RBM6: variants seen among roughly 807,000 people sequenced by gnomAD.
RBM6 encodes the protein RNA-binding protein 6.
Under a neutral mutation model 140.4 loss-of-function variants are expected in RBM6, and 23 were observed. That is an observed-to-expected ratio of 0.16 (90% CI 0.12 to 0.23). The LOEUF (loss-of-function observed/expected upper bound fraction) is 0.23, where lower values mean the gene tolerates loss of function less well. RBM6 is among the 10% of genes least tolerant of loss of function. RBM6 has a pLI of 1.00. For synonymous variants in RBM6, 439 were observed against 475.6 expected (o/e 0.92, Z 1.00); for missense variants, 1,139 against 1,386.7 (o/e 0.82, Z 2.84).
intron 5 of RBM6, among the ~76,000 whole-genome samples, chr3:49,980,623 G>A (rs538288932): frequency 2.0e-5 from 3 of 151,612 alleles, no homozygotes; most frequent in South Asian, 4.2e-4. Context: ...TTAGCCGGGC[G>A]TGGTGGCGGG....
chr3:50,009,630 C>T (rs1365382443), intron 6 of RBM6, among the ~76,000 whole-genome samples: 1 of 152,078 alleles, frequency 6.6e-6, no homozygotes, highest in Non-Finnish European at 1.5e-5. Flanking sequence ...GATCATGGCT[C>T]ACTGCAGCCT....
At chr3:50,012,117 G>C (rs749076502) in intron 6 of RBM6, among the ~76,000 whole-genome samples, 1 of 152,260 alleles carries the variant, frequency 6.6e-6, no homozygotes, top group Non-Finnish European at 1.5e-5. Context: ...TTCCCAAAGT[G>C]CTGGGATTAC....
chr3:49,943,037 TA>T (rs2083353795), intron 1 of RBM6, among the ~76,000 whole-genome samples: 1 of 152,182 alleles, frequency 6.6e-6, no homozygotes, highest in Non-Finnish European at 1.5e-5. Context: ...TCACTTAGTG[TA>T]ATGGTTTCAA....
At chr3:50,074,173 G>A (rs989972594) in intron 19 of RBM6, among the ~76,000 whole-genome samples, 5 of 152,046 alleles carry the variant, frequency 3.3e-5, no homozygotes, top group African/African-American at 1.2e-4. Context: ...TACTCTCTTG[G>A]ACAAATTGTC....
At chr3:49,953,350 G>T (rs1379657447) in intron 1 of RBM6, among the ~76,000 whole-genome samples, 1 of 151,882 alleles carries the variant, frequency 6.6e-6, no homozygotes, top group Non-Finnish European at 1.5e-5. Context: ...CTCCTGAGTA[G>T]CTGGGACTAC....
intron 5 of RBM6, among the ~76,000 whole-genome samples, chr3:49,982,248 ATTTCT>A (rs1467741375): frequency 2.1e-5 from 2 of 95,912 alleles, no homozygotes; most frequent in Non-Finnish European, 4.3e-5. Flanking sequence ...TACCTTCTGC[ATTTCT>A]TTTCTTTTCT....
chr3:49,990,704 T>C (rs753943885), intron 5 of RBM6, among the ~76,000 whole-genome samples: 1 of 152,172 alleles, frequency 6.6e-6, no homozygotes, highest in Non-Finnish European at 1.5e-5. Context: ...GCCTGTGTTT[T>C]AAAATGGCTG....
In RBM6 at chr3:50,032,939, C is replaced by T. The variant is rs183212049; in HGVS notation, c.1558-15306C>T. ...GGCAGAGGTTGCAGTGAGCCGAGATCGTGCCATTGCACTCCAACCTGGGCA... is the reference window on the plus strand; with the variant it reads ...GGCAGAGGTTGCAGTGAGCCGAGATTGTGCCATTGCACTCCAACCTGGGCA... On this transcript the variant is annotated intron_variant, in intron 6 of 20. Transcript: ENST00000266022. Among the ~76,000 whole-genome samples, 321 of 147,706 alleles carry T rather than the reference C, an allele frequency of 2.2e-3. 3 individuals carry two copies. Among genetic ancestry groups the T allele is most frequent in the African/African-American group, 6.7e-3 (268 of 39,938 alleles).
At chr3:50,002,314 T>C (rs1575658242) in intron 6 of RBM6, among the ~76,000 whole-genome samples, 1 of 150,124 alleles carries the variant, frequency 6.7e-6, no homozygotes, top group African/African-American at 2.5e-5. Context: ...CAGGCTGGAG[T>C]GCGGTGGCAC....
chr3:49,984,611 A>G (rs141555794), intron 5 of RBM6, among the ~76,000 whole-genome samples: 5,303 of 85,606 alleles, frequency 0.062, 103 homozygotes, highest in African/African-American at 0.067. Flanking sequence ...ACATCACATC[A>G]CATCGCATCG....
chr3:49,947,114 C>T (rs1320418655), intron 1 of RBM6, among the ~76,000 whole-genome samples: 2 of 148,362 alleles, frequency 1.3e-5, no homozygotes, highest in Non-Finnish European at 3.0e-5. Flanking sequence ...TAGCCGGGCG[C>T]AGTGGCAGGC....
chr3:50,057,078 T>C (rs2089730369), intron 8 of RBM6, among the ~76,000 whole-genome samples: 1 of 152,234 alleles, frequency 6.6e-6, no homozygotes, highest in Non-Finnish European at 1.5e-5. Context: ...GATGTGTTGT[T>C]ATCATTGATT....
At chr3:50,058,756 A>C (rs1013533992) in intron 10 of RBM6, 194 bp downstream of exon 10, 1 of 408,780 alleles carries the variant, frequency 2.4e-6, no homozygotes, top group Non-Finnish European at 4.3e-6. Context: ...CTACTAAAAA[A>C]TACAGAAAAA....
chr3:49,986,708 C>T (rs1329109563), intron 5 of RBM6, among the ~76,000 whole-genome samples: 4 of 150,950 alleles, frequency 2.6e-5, no homozygotes, highest in Admixed American at 6.6e-5. Flanking sequence ...TTGTCTCTTT[C>T]TCTCTCTTCT....
chr3:50,048,914 T>A (rs2089339857), intron 7 of RBM6, among the ~76,000 whole-genome samples: 1 of 152,156 alleles, frequency 6.6e-6, no homozygotes, highest in African/African-American at 2.4e-5. Context: ...GTGATTCTGC[T>A]GCCTCAGCCT....
chr3:50,040,889 C>T (rs1053620274), intron 6 of RBM6, among the ~76,000 whole-genome samples: 6 of 152,086 alleles, frequency 3.9e-5, no homozygotes, highest in African/African-American at 1.4e-4. Context: ...AAGCAATCCA[C>T]CTGCCTTGAC....
rs869272546 is a variant in RBM6 at position 49,955,160 on chromosome 3, C to CTTTTTTTTTTTTTTTTTTTTTTTT, written c.-66-7415_-66-7392dup. Among the ~76,000 whole-genome samples, 21 of 72,716 alleles carry CTTTTTTTTTTTTTTTTTTTTTTTT rather than the reference C, an allele frequency of 2.9e-4. 1 individual carries two copies. Among genetic ancestry groups the CTTTTTTTTTTTTTTTTTTTTTTTT allele is most frequent in the African/African-American group, 5.8e-4 (10 of 17,372 alleles). 47.7% of individuals were successfully genotyped at this position (72,716 alleles called of 152,430 possible). A position where few individuals can be genotyped will look rare whatever the true frequency, so the allele number is the denominator to read the frequency against. On this transcript the variant is annotated intron_variant, in intron 1 of 20. Coordinates refer to ENST00000266022, the MANE Select transcript of RBM6 (RefSeq NM_005777.3). ...GGCCGCATAGTATTTTTTTTTCTTT[C>CTTTTTTTTTTTTTTTTTTTTTTTT]TTTTTTTTTTTTTTTTTTTTTTTTG...
In RBM6 at chr3:50,060,704, A is replaced by C. The variant is rs534423494; in HGVS notation, c.2229-252A>C. On this transcript the variant is annotated intron_variant, in intron 11 of 20. Transcript: ENST00000266022. Reference sequence around the variant, plus strand: ...AGGAGGCGGAGCTTGCAGTGAGCTGAGATCACGCCACCGCACTCCAGCCTG... The same window carrying C: ...AGGAGGCGGAGCTTGCAGTGAGCTGCGATCACGCCACCGCACTCCAGCCTG... The C allele has an allele frequency of 1.6e-5, 4 of 249,308 alleles. No homozygotes were observed. The East Asian group carries it at 3.2e-4, about 20-fold the overall frequency. The allele number at this position is 249,308 out of a possible 1,614,324, so 15.4% of individuals were successfully genotyped here.
At chr3:50,021,571 G>T (rs896498677) in intron 6 of RBM6, among the ~76,000 whole-genome samples, 6 of 152,026 alleles carry the variant, frequency 3.9e-5, no homozygotes, top group Admixed American at 2.6e-4. Context: ...ACCCAAGGAG[G>T]CGGAGGTTGC....
Sources: gnomAD v4.1 joint callset for allele counts (sites outside exome capture counted in the v4.1 genomes callset) on GRCh38, gnomAD v4.1.1 for gene constraint, MANE v1.5 for transcripts, NCBI Gene and HGNC (gene_info 2026-07-23, HGNC 2026-07-21) for gene names.